The following CEP128 variants were observed in gnomAD, a reference collection of about 807,000 sequenced individuals.
CEP128 encodes the protein centrosomal protein 128.
Under a neutral mutation model 156.7 loss-of-function variants are expected in CEP128, and 132 were observed. That is an observed-to-expected ratio of 0.84 (90% confidence interval 0.73 to 0.97). The LOEUF (loss-of-function observed/expected upper bound fraction) is 0.97. Among genes scored for constraint, CEP128 ranks in the 50% least tolerant of loss-of-function variants. The pLI, the probability that CEP128 is intolerant of heterozygous loss-of-function variation, is 0.00. For missense variants in CEP128, 1,252 were observed against 1,281.9 expected (o/e 0.98, Z 0.36); for synonymous variants, 469 against 448.9 (o/e 1.04, Z -0.57).
intron 13 of CEP128, among the ~76,000 whole-genome samples, chr14:80,823,392 A>T (rs1028121530): frequency 6.6e-6 from 1 of 152,212 alleles, no homozygotes; most frequent in Admixed American, 6.5e-5. Context: ...CTAAATGTGA[A>T]ATGTCAACCC....
intron 4 of CEP128, among the ~76,000 whole-genome samples, chr14:80,910,731 T>A (rs978549036): frequency 2.1e-5 from 1 of 47,462 alleles, no homozygotes; most frequent in Non-Finnish European, 5.5e-5. Flanking sequence ...CAAGACATGC[T>A]TTTTCTGACT....
intron 14 of CEP128, among the ~76,000 whole-genome samples, chr14:80,484,016 G>T (rs1031713270): frequency 1.3e-5 from 2 of 151,644 alleles, no homozygotes; most frequent in African/African-American, 2.4e-5. Context: ...CCACTCTGTT[G>T]CCTAGGCTAG....
chr14:80,491,921 T>C (rs1001752917), downstream of CEP128, among the ~76,000 whole-genome samples: 2 of 152,198 alleles, frequency 1.3e-5, no homozygotes, highest in African/African-American at 4.8e-5. Context: ...TTCCTCTGTG[T>C]TCATATCATT....
At chr14:80,813,307 G>T (rs1884666808) in intron 13 of CEP128, among the ~76,000 whole-genome samples, 2 of 152,208 alleles carry the variant, frequency 1.3e-5, no homozygotes, top group Non-Finnish European at 1.5e-5. Context: ...GTACATGATT[G>T]CATTTCCTAG....
chr14:80,743,540 T>C (rs1184578397), intron 18 of CEP128, among the ~76,000 whole-genome samples: 1 of 152,174 alleles, frequency 6.6e-6, no homozygotes, highest in Admixed American at 6.5e-5. Flanking sequence ...CTTTCAATAA[T>C]ATTATGGGTA....
chr14:80,779,830 C>A (rs1226282996), intron 15 of CEP128, among the ~76,000 whole-genome samples: 1 of 152,136 alleles, frequency 6.6e-6, no homozygotes, highest in Non-Finnish European at 1.5e-5. Context: ...TCAGAATTTA[C>A]AAAGTGATGT....
intron 2 of CEP128, among the ~76,000 whole-genome samples, chr14:80,938,217 AC>A (rs1365281408): frequency 1.4e-5 from 2 of 146,234 alleles, no homozygotes; most frequent in Non-Finnish European, 3.0e-5. Flanking sequence ...AATTTTGTAC[AC>A]CACTGATCTT....
At chr14:80,832,350 T>C (rs905120669) in intron 12 of CEP128, among the ~76,000 whole-genome samples, 1 of 152,130 alleles carries the variant, frequency 6.6e-6, no homozygotes, top group South Asian at 2.1e-4. Context: ...ATACTGTCTG[T>C]CATTTTAAAA....
At chr14:80,536,189 G>A (rs1166351857) in intron 21 of CEP128, among the ~76,000 whole-genome samples, 18 of 152,068 alleles carry the variant, frequency 1.2e-4, no homozygotes, top group Admixed American at 1.2e-3. Flanking sequence ...TAAAAGGGGG[G>A]AATGCATTGC....
chr14:80,785,742 G>A (rs1901375871), intron 14 of CEP128, among the ~76,000 whole-genome samples, 197 bp from the exon 15 acceptor site: 1 of 151,974 alleles, frequency 6.6e-6, no homozygotes. Flanking sequence ...TAATTGTCCT[G>A]AAATAGCAAC....
At chr14:80,624,371 G>C (rs1037517997) in intron 19 of CEP128, among the ~76,000 whole-genome samples, 26 of 152,122 alleles carry the variant, frequency 1.7e-4, no homozygotes, top group Non-Finnish European at 2.9e-5. Flanking sequence ...ATTATGAATA[G>C]AGCTGAAATA....
At chr14:80,634,861 G>A (rs1222305672) in intron 19 of CEP128, among the ~76,000 whole-genome samples, 2 of 152,120 alleles carry the variant, frequency 1.3e-5, no homozygotes, top group Non-Finnish European at 2.9e-5. Flanking sequence ...CAACACAGAT[G>A]TCAGGATAAC....
intron 13 of CEP128, among the ~76,000 whole-genome samples, chr14:80,811,468 T>G (rs181196817): frequency 6.6e-6 from 1 of 152,322 alleles, no homozygotes; most frequent in East Asian, 1.9e-4. Context: ...TCTTTTGAGA[T>G]TAAGTCTCCA....
At chr14:80,775,581 T>C (rs1900745129) in intron 16 of CEP128, among the ~76,000 whole-genome samples, 1 of 152,246 alleles carries the variant, frequency 6.6e-6, no homozygotes, top group Non-Finnish European at 1.5e-5. Flanking sequence ...TTTTAACAAC[T>C]GAAAGAGATT....
In CEP128 at chr14:80,895,798, G is replaced by GAAGAA; in HGVS notation, c.573-9_573-8insTTCTT. On this transcript the variant is annotated splice_polypyrimidine_tract_variant and intron_variant, in intron 7 of 24. Transcript: ENST00000555265. ...TTTGTTTCGGCATCTGACCTAGGAA[G>GAAGAA]AAAAAAAAAAAAAAGATTTAAATTT... 1 of 1,262,702 alleles carries GAAGAA rather than the reference G, an allele frequency of 7.9e-7. No individual in the cohort carries two copies. The highest frequency in any genetic ancestry group is 1.0e-6 in the Non-Finnish European group (1 of 962,916). 78.2% of individuals were successfully genotyped at this position (1,262,702 alleles called of 1,614,324 possible).
intron 9 of CEP128, among the ~76,000 whole-genome samples, chr14:80,861,069 A>G (rs1887490229): frequency 6.6e-6 from 1 of 152,064 alleles, no homozygotes; most frequent in Admixed American, 6.6e-5. Flanking sequence ...ATAATAAAAT[A>G]AAAATCCATG....
chr14:80,596,842 A>AAGGG (rs1555379468), intron 19 of CEP128, among the ~76,000 whole-genome samples: 1 of 69,832 alleles, frequency 1.4e-5, no homozygotes, highest in Admixed American at 1.9e-4. Context: ...AAAAAAAAAA[A>AAGGG]GGTGGGGGGG....
At chr14:80,603,678 T>C (rs1044942173) in intron 19 of CEP128, among the ~76,000 whole-genome samples, 2 of 152,170 alleles carry the variant, frequency 1.3e-5, no homozygotes, top group African/African-American at 2.4e-5. Flanking sequence ...ATTTTCATCA[T>C]TATTATTTCA....
chr14:80,504,449 T>G (rs1210469789), intron 24 of CEP128, among the ~76,000 whole-genome samples: 1 of 152,170 alleles, frequency 6.6e-6, no homozygotes, highest in Non-Finnish European at 1.5e-5. Flanking sequence ...AATGGACTCA[T>G]ACATTGTTGA....
Sources: allele counts gnomAD v4.1 joint callset (sites outside exome capture counted in the v4.1 genomes callset), GRCh38; gene constraint gnomAD v4.1.1; transcripts MANE v1.5; gene names NCBI Gene and HGNC (gene_info 2026-07-23, HGNC 2026-07-21).